Variants in CCBE1 observed in about 807,000 individuals in gnomAD.
CCBE1 encodes the protein collagen and calcium-binding EGF domain-containing protein 1.
CCBE1 carries 37 observed loss-of-function variants against 50.0 expected under a neutral mutation model. The ratio of observed to expected loss-of-function variants is 0.74; its 90% CI spans 0.57 to 0.97. The LOEUF is 0.97. Among genes scored for constraint, CCBE1 ranks in the 50% least tolerant of loss-of-function variants. The pLI is 0.00. For missense variants in CCBE1, 538 were observed against 523.8 expected, an observed-to-expected ratio of 1.03 and a Z score of -0.26; for synonymous variants, 234 against 203.7, an observed-to-expected ratio of 1.15 and a Z score of -1.27.
At position 59,696,941 on chromosome 18, in the gene CCBE1, G is replaced by T. The variant is rs1864305; in HGVS notation, c.132-232C>A. ...AGGAGAAAGGAAGCGGGGTTCACGA[G>T]CTGTGCCAGCCAGTGTGGCACCCGG... On this transcript the variant is annotated intron_variant, in intron 1 of 10. Transcript: ENST00000439986. Among the ~76,000 whole-genome samples, 5,349 of 152,310 alleles carry T rather than the reference G, an allele frequency of 0.035. 181 individuals are homozygous for T. The highest frequency in any genetic ancestry group is 0.084 in the African/African-American group (3,497 of 41,562).
chr18:59,482,822 A>C (rs1249535124), intron 2 of CCBE1, among the ~76,000 whole-genome samples: 1 of 144,300 alleles, frequency 6.9e-6, no homozygotes, highest in Non-Finnish European at 1.6e-5. Flanking sequence ...ACCAGCTTAC[A>C]GTGGATCTGC....
intron 2 of CCBE1, among the ~76,000 whole-genome samples, chr18:59,506,122 G>A (rs566157743): frequency 1.3e-5 from 2 of 152,336 alleles, no homozygotes; most frequent in East Asian, 1.9e-4. Flanking sequence ...TATTGGATTA[G>A]GATGGACCCT....
chr18:59,473,785 CA>C (rs1912166012), intron 3 of CCBE1, among the ~76,000 whole-genome samples: 1 of 37,738 alleles, frequency 2.6e-5, no homozygotes, highest in Non-Finnish European at 5.9e-5. Context: ...ATTTCCTCCC[CA>C]CTACTCATCA....
At chr18:59,644,035 G>T (rs2054024179) in intron 2 of CCBE1, among the ~76,000 whole-genome samples, 1 of 152,172 alleles carries the variant, frequency 6.6e-6, no homozygotes, top group South Asian at 2.1e-4. Flanking sequence ...TTGGTACCAG[G>T]GACTGGTTTC....
intron 1 of CCBE1, 54 bp from the exon 2 acceptor site, chr18:59,696,763 G>T: frequency 1.3e-6 from 2 of 1,580,154 alleles, no homozygotes; most frequent in Non-Finnish European, 1.7e-6. Flanking sequence ...GCGGAGGCGG[G>T]CAGCGCGCGC....
At chr18:59,534,123 A>G (rs1915154076) in intron 2 of CCBE1, among the ~76,000 whole-genome samples, 1 of 152,176 alleles carries the variant, frequency 6.6e-6, no homozygotes, top group South Asian at 2.1e-4. Flanking sequence ...GATTACTAAG[A>G]TGTTGGCTAA....
chr18:59,467,549 G>T (rs1005431561), intron 4 of CCBE1, among the ~76,000 whole-genome samples: 1 of 152,166 alleles, frequency 6.6e-6, no homozygotes, highest in African/African-American at 2.4e-5. Flanking sequence ...ATGAGCCATG[G>T]GACCATCAAA....
intron 2 of CCBE1, among the ~76,000 whole-genome samples, chr18:59,505,787 T>C (rs1913843868): frequency 6.6e-6 from 1 of 152,256 alleles, no homozygotes; most frequent in Non-Finnish European, 1.5e-5. Context: ...GGAGATAAGA[T>C]AAGTTCATGC....
At position 59,434,319 on chromosome 18, in the gene CCBE1, A is replaced by G. The variant is rs1351001224; in HGVS notation, c.*1589T>C. On this transcript the variant is annotated 3_prime_UTR_variant, in exon 11 of 11. Transcript: ENST00000439986. The stretch of plus-strand genomic sequence containing the variant: ...ATGGGAAATTCCAACATGAGCTAAT[A>G]TGAGTGTGAGAACGATCATTTGCAG... 2 of 152,236 alleles carry G rather than the reference A, an allele frequency of 1.3e-5. No homozygotes were observed. The highest frequency in any genetic ancestry group is 4.8e-5 in the African/African-American group (2 of 41,456). The allele number at this position is 152,236 out of a possible 1,614,324, so 9.4% of individuals were successfully genotyped here.
chr18:59,476,061 T>C (rs1237552450), intron 3 of CCBE1, among the ~76,000 whole-genome samples: 1 of 152,144 alleles, frequency 6.6e-6, no homozygotes, highest in Non-Finnish European at 1.5e-5. Context: ...CCAGGCCCTA[T>C]TCCAGGAAGT....
chr18:59,518,348 G>T (rs983758261), intron 2 of CCBE1, among the ~76,000 whole-genome samples: 5 of 152,140 alleles, frequency 3.3e-5, no homozygotes, highest in Admixed American at 6.5e-5. Context: ...AATTAGCCGG[G>T]TGTGACGACG....
At chr18:59,574,741 G>GT (rs1380062910) in intron 2 of CCBE1, among the ~76,000 whole-genome samples, 1 of 152,168 alleles carries the variant, frequency 6.6e-6, no homozygotes, top group African/African-American at 2.4e-5. Context: ...GCATCCATGT[G>GT]TTTGCCTGGG....
intron 2 of CCBE1, chr18:59,688,332 G>A (rs1049512691): frequency 6.6e-6 from 1 of 152,274 alleles, no homozygotes; most frequent in African/African-American, 2.4e-5. Context: ...TGTAGTCCCA[G>A]CTACTCAGGA....
chr18:59,461,554 T>C (rs1246422615), intron 5 of CCBE1, among the ~76,000 whole-genome samples: 2 of 152,122 alleles, frequency 1.3e-5, no homozygotes, highest in African/African-American at 2.4e-5. Context: ...CCTCTGTGCA[T>C]AGGTGATAAA....
intron 2 of CCBE1, among the ~76,000 whole-genome samples, chr18:59,507,381 G>C (rs900998661): frequency 6.6e-6 from 1 of 152,180 alleles, no homozygotes; most frequent in South Asian, 2.1e-4. Context: ...GCTCTGAGCT[G>C]GTGGTCTCAC....
At chr18:59,635,231 C>T (rs141887971) in intron 2 of CCBE1, among the ~76,000 whole-genome samples, 2,329 of 152,282 alleles carry the variant, frequency 0.015, 33 homozygotes, top group Middle Eastern at 0.054. Context: ...TGATGGGAAG[C>T]CCCTAGCAAT....
At chr18:59,657,746 C>T (rs1334173092) in intron 2 of CCBE1, among the ~76,000 whole-genome samples, 2 of 152,106 alleles carry the variant, frequency 1.3e-5, no homozygotes, top group Non-Finnish European at 2.9e-5. Flanking sequence ...CAAAATTAGC[C>T]GGGCGTGGTG....
At chr18:59,521,440 TTTC>T (rs1159997112) in intron 2 of CCBE1, among the ~76,000 whole-genome samples, 2 of 152,308 alleles carry the variant, frequency 1.3e-5, no homozygotes, top group East Asian at 3.9e-4. Flanking sequence ...TTTTTTTTTC[TTTC>T]TTCAGGAAGC....
At chr18:59,459,049 C>T (rs1456241723) in intron 5 of CCBE1, 2 of 152,258 alleles carry the variant, frequency 1.3e-5, no homozygotes, top group African/African-American at 4.8e-5. Flanking sequence ...GTAACAGCAC[C>T]TATCACTTGG....
Sources: allele counts gnomAD v4.1 joint callset (sites outside exome capture counted in the v4.1 genomes callset), GRCh38; gene constraint gnomAD v4.1.1; transcripts MANE v1.5; gene names NCBI Gene and HGNC (gene_info 2026-07-23, HGNC 2026-07-21).